ADAMTS12: variants seen among roughly 807,000 people sequenced by gnomAD.
The protein encoded by ADAMTS12 is A disintegrin and metalloproteinase with thrombospondin motifs 12.
Under a neutral mutation model 167.8 loss-of-function variants are expected in ADAMTS12, and 118 were observed. The observed-to-expected ratio is 0.70, with a 90% CI of 0.61 to 0.82. ADAMTS12 has a LOEUF of 0.82. Among genes scored for constraint, ADAMTS12 ranks in the 40% least tolerant of loss-of-function variants. The probability of loss-of-function intolerance (pLI) is 0.00; values close to 1 mark genes in which losing one functional copy is unlikely to be tolerated. For missense variants in ADAMTS12, 1,916 were observed against 1,998.8 expected (o/e 0.96, Z 0.79); for synonymous variants, 704 against 716.9 (o/e 0.98, Z 0.29).
chr5:33,593,687 G>C (rs1454562152), intron 17 of ADAMTS12, among the ~76,000 whole-genome samples: 4 of 151,856 alleles, frequency 2.6e-5, no homozygotes, highest in Non-Finnish European at 4.4e-5. Flanking sequence ...TAGGGAGTTG[G>C]GGGGCTAGGG....
chr5:33,800,935 G>A (rs115100151), intron 2 of ADAMTS12, among the ~76,000 whole-genome samples: 2,239 of 152,236 alleles, frequency 0.015, 62 homozygotes, highest in African/African-American at 0.052. Flanking sequence ...ATCTTGAGAT[G>A]GAAAGATTAT....
chr5:33,863,364 T>C (rs1749694197), intron 2 of ADAMTS12, among the ~76,000 whole-genome samples: 2 of 152,214 alleles, frequency 1.3e-5, no homozygotes, highest in Admixed American at 1.3e-4. Context: ...ACAAGATCAA[T>C]GTGCAAAAAT....
intron 2 of ADAMTS12, among the ~76,000 whole-genome samples, chr5:33,837,890 C>T (rs926398112): frequency 1.4e-4 from 22 of 152,258 alleles, no homozygotes; most frequent in African/African-American, 4.8e-4. Flanking sequence ...TTTCTGAAAA[C>T]GTACTGTCAA....
intron 2 of ADAMTS12, among the ~76,000 whole-genome samples, chr5:33,784,884 A>G (rs186360943): frequency 6.6e-6 from 1 of 152,246 alleles, no homozygotes; most frequent in East Asian, 1.9e-4. Context: ...GTTATAAAGA[A>G]AAACAAAAGT....
At position 33,648,824 on chromosome 5, in the gene ADAMTS12, C is replaced by G; in HGVS notation, c.1477G>C (p.Glu493Gln). Residue 493 changes from glutamate (E) to glutamine (Q), a missense_variant and splice_region_variant, in exon 9 of 24, where the codon GAA (glutamate) becomes CAA (glutamine). Transcript: ENST00000504830. ...GPNATFCQEV[E>Q]NVCQTLWCSV... ...TAGCCACCAAGAGGTACACTTACTT[C>G]TACTTCCTGGCAGAAGGTAGCATTG... 1 of 1,614,098 alleles carries G rather than the reference C, an allele frequency of 6.2e-7. No homozygotes were observed. Among genetic ancestry groups the G allele is most frequent in the African/African-American group, 1.3e-5 (1 of 75,060 alleles).
intron 2 of ADAMTS12, among the ~76,000 whole-genome samples, chr5:33,859,278 GCACAGC>G (rs1749517707): frequency 6.6e-6 from 1 of 152,248 alleles, no homozygotes; most frequent in Admixed American, 6.5e-5. Context: ...CTCGCTGCCA[GCACAGC>G]AGTCTGAAGT....
At chr5:33,681,437 C>T (rs1742108955) in intron 5 of ADAMTS12, among the ~76,000 whole-genome samples, 2 of 152,200 alleles carry the variant, frequency 1.3e-5, no homozygotes, top group African/African-American at 2.4e-5. Flanking sequence ...CATCAGTTGG[C>T]TGGTCCTACC....
chr5:33,702,627 T>C (rs1561223603), intron 3 of ADAMTS12, among the ~76,000 whole-genome samples: 1 of 152,184 alleles, frequency 6.6e-6, no homozygotes, highest in Non-Finnish European at 1.5e-5. Context: ...GCACTATATC[T>C]ATTTTATCAC....
chr5:33,804,311 C>G (rs4866386), intron 2 of ADAMTS12, among the ~76,000 whole-genome samples: 8 of 152,118 alleles, frequency 5.3e-5, no homozygotes, highest in African/African-American at 1.9e-4. Context: ...GCAAACCCAT[C>G]GCAAACAAGC....
chr5:33,740,366 T>C (rs546140787), intron 3 of ADAMTS12, among the ~76,000 whole-genome samples: 1 of 152,294 alleles, frequency 6.6e-6, no homozygotes, highest in South Asian at 2.1e-4. Flanking sequence ...GCCAGCTACA[T>C]AATTTGTAGA....
At chr5:33,535,112 T>A in intron 22 of ADAMTS12, 120 bp from the exon 23 acceptor site, 2 of 1,018,038 alleles carry the variant, frequency 2.0e-6, no homozygotes, top group Non-Finnish European at 1.4e-6. Flanking sequence ...ACCAGAAACC[T>A]TTTTGGAGGA....
In ADAMTS12 at chr5:33,525,157, A is replaced by G. The variant is rs1254269441; in HGVS notation, c.*2031T>C. 1 of 152,236 alleles carries G rather than the reference A, an allele frequency of 6.6e-6. No homozygotes were observed. The highest frequency in any genetic ancestry group is 1.5e-5 in the Non-Finnish European group (1 of 68,046). The allele number at this position is 152,236 out of a possible 1,614,324, so 9.4% of individuals were successfully genotyped here. A position where few individuals can be genotyped will look rare whatever the true frequency, so the allele number is the denominator to read the frequency against. On this transcript the variant is annotated 3_prime_UTR_variant, in exon 24 of 24. Coordinates refer to ENST00000504830, the MANE Select transcript of ADAMTS12 (RefSeq NM_030955.4). ...AGGGACAGTCTTTGCAAACTGCCTC[A>G]TTAGTAAATATCAGATTCTCCTCCA...
intron 20 of ADAMTS12, among the ~76,000 whole-genome samples, chr5:33,560,438 A>C (rs754877685): frequency 2.0e-5 from 3 of 152,174 alleles, no homozygotes; most frequent in Non-Finnish European, 4.4e-5. Flanking sequence ...ACCCAAAGGA[A>C]TATAAATCAT....
At position 33,641,654 on chromosome 5, in the gene ADAMTS12, ACT is replaced by A. The variant is rs1579788890; in HGVS notation, c.1718+154_1718+155del. On this transcript the variant is annotated intron_variant, in intron 11 of 23. Transcript: ENST00000504830. ...CAAAACAGAACCACTTTTTTTCCCCACTCTCTGTGAATCTTCTTGTTCTGTTT... is the reference window on the plus strand; with the variant it reads ...CAAAACAGAACCACTTTTTTTCCCCACTCTGTGAATCTTCTTGTTCTGTTT... 2.0e-5 allele frequency among the ~76,000 whole-genome samples: 3 copies of A among 151,710 alleles called. No homozygotes were observed. In the South Asian group the frequency reaches 6.3e-4, roughly 32 times the overall value.
intron 18 of ADAMTS12, among the ~76,000 whole-genome samples, chr5:33,586,557 G>A (rs1422517803): frequency 3.3e-5 from 5 of 152,256 alleles, no homozygotes; most frequent in Admixed American, 6.5e-5. Flanking sequence ...AGGTTACTAC[G>A]CTTCCCATAA....
intron 3 of ADAMTS12, among the ~76,000 whole-genome samples, chr5:33,694,160 C>A (rs6867843): frequency 0.2 from 30,434 of 152,066 alleles, 3,103 homozygotes; most frequent in East Asian, 0.32. Flanking sequence ...AAAGATGACA[C>A]AAACAAATGA....
chr5:33,879,510 T>C (rs1032824516), intron 2 of ADAMTS12, among the ~76,000 whole-genome samples: 6 of 152,254 alleles, frequency 3.9e-5, no homozygotes, highest in Admixed American at 3.3e-4. Context: ...CAAGCCTAGA[T>C]GATGACAGCC....
intron 13 of ADAMTS12, among the ~76,000 whole-genome samples, chr5:33,629,746 G>A (rs770048668): frequency 1.4e-4 from 21 of 152,098 alleles, no homozygotes; most frequent in African/African-American, 1.9e-4. Flanking sequence ...AAACAATTTT[G>A]CAATTCTCTT....
At chr5:33,716,529 A>G (rs1164746844) in intron 3 of ADAMTS12, among the ~76,000 whole-genome samples, 1 of 152,030 alleles carries the variant, frequency 6.6e-6, no homozygotes, top group South Asian at 2.1e-4. Context: ...TCCCTCGCTT[A>G]TTATATACAC....
Sources: allele counts gnomAD v4.1 joint callset (sites outside exome capture counted in the v4.1 genomes callset), GRCh38; gene constraint gnomAD v4.1.1; transcripts MANE v1.5; gene names NCBI Gene and HGNC (gene_info 2026-07-23, HGNC 2026-07-21).